The following PALLD variants were observed in gnomAD, a reference collection of about 807,000 sequenced individuals.
The protein encoded by PALLD is palladin, cytoskeletal associated protein.
In PALLD, 61 loss-of-function variants were observed where a neutral mutation model predicts 123.5. The ratio of observed to expected loss-of-function variants is 0.49; its 90% CI spans 0.40 to 0.61. The LOEUF (loss-of-function observed/expected upper bound fraction) is 0.61. PALLD is among the 20% of genes least tolerant of loss of function. The probability of loss-of-function intolerance (pLI) is 0.00; values close to 1 mark genes in which losing one functional copy is unlikely to be tolerated. For missense variants in PALLD, 1,273 were observed against 1,377.0 expected (o/e 0.92, Z 1.20); for synonymous variants, 465 against 496.4 (o/e 0.94, Z 0.84).
At chr4:168,743,934 T>C (rs1297422634) in intron 10 of PALLD, among the ~76,000 whole-genome samples, 1 of 152,114 alleles carries the variant, frequency 6.6e-6, no homozygotes, top group Non-Finnish European at 1.5e-5. Flanking sequence ...AGATGGGAAT[T>C]TGCTTCCACT....
intron 10 of PALLD, chr4:168,877,816 G>GCCCTCGCCC: frequency 7.9e-7 from 1 of 1,267,736 alleles, no homozygotes. Context: ...GCAGCGCGCC[G>GCCCTCGCCC]CCCTCGCCCC....
intron 16 of PALLD, 79 bp downstream of exon 16, chr4:168,914,100 A>G (rs1759616522): frequency 4.5e-6 from 4 of 894,378 alleles, no homozygotes; most frequent in Admixed American, 3.8e-5. Context: ...GAATCATCAT[A>G]TGACCACAAA....
At chr4:168,601,415 T>C (rs574300529) in intron 2 of PALLD, among the ~76,000 whole-genome samples, 5 of 152,258 alleles carry the variant, frequency 3.3e-5, no homozygotes, top group African/African-American at 9.6e-5. Flanking sequence ...TAGAATGCCA[T>C]GAATAGCCTG....
chr4:168,851,995 G>A (rs1747863805), intron 10 of PALLD, among the ~76,000 whole-genome samples: 1 of 152,168 alleles, frequency 6.6e-6, no homozygotes, highest in South Asian at 2.1e-4. Context: ...CCTAACTCTT[G>A]ATACCAGTGG....
At chr4:168,608,256 G>T (rs1273755728) in intron 2 of PALLD, among the ~76,000 whole-genome samples, 3 of 152,178 alleles carry the variant, frequency 2.0e-5, no homozygotes, top group African/African-American at 4.8e-5. Flanking sequence ...TAACTAAAGT[G>T]GTCTGCCGTT....
chr4:168,840,397 TA>T (rs1745873172), intron 10 of PALLD, among the ~76,000 whole-genome samples: 1 of 152,226 alleles, frequency 6.6e-6, no homozygotes, highest in Non-Finnish European at 1.5e-5. Context: ...CTAGGGCTAA[TA>T]AGGCAGCTGT....
At chr4:168,708,889 T>C in intron 8 of PALLD, 139 bp from the exon 9 acceptor site, 1 of 803,170 alleles carries the variant, frequency 1.2e-6, no homozygotes, top group Non-Finnish European at 2.1e-6. Context: ...AAAGAGATTC[T>C]ATTGTAAACA....
intron 10 of PALLD, among the ~76,000 whole-genome samples, chr4:168,777,715 C>T (rs534021993): frequency 6.6e-6 from 1 of 152,266 alleles, no homozygotes; most frequent in East Asian, 1.9e-4. Flanking sequence ...CTTCCTCCTC[C>T]CAGCCCCGTT....
intron 10 of PALLD, among the ~76,000 whole-genome samples, chr4:168,866,884 A>T (rs1750362763): frequency 6.6e-6 from 1 of 152,208 alleles, no homozygotes; most frequent in Non-Finnish European, 1.5e-5. Context: ...TATCTCAATA[A>T]CAAAGAAATA....
intron 3 of PALLD, among the ~76,000 whole-genome samples, chr4:168,673,888 C>CTG (rs34043206): frequency 0.45 from 66,482 of 146,130 alleles, 16,312 homozygotes; most frequent in East Asian, 0.65. Flanking sequence ...TTTGAACGTG[C>CTG]TGTGTGTGTG....
In PALLD at chr4:168,877,920, C is replaced by G; in HGVS notation, c.1965-13002C>G. ...AGCGCGCTGGCCTCCCGCTCCGCCC[C>G]CGCCATGCAGTCCTCCGGCTCCTTC... On this transcript the variant is annotated intron_variant, in intron 10 of 21. Transcript: ENST00000505667. 1.3e-6 allele frequency: 2 copies of G among 1,485,844 alleles called. No homozygotes were observed. Among genetic ancestry groups the G allele is most frequent in the Non-Finnish European group, 8.9e-7 (1 of 1,122,948 alleles). The allele number at this position is 1,485,844 out of a possible 1,614,324, so 92.0% of individuals were successfully genotyped here. A position where few individuals can be genotyped will look rare whatever the true frequency, so the allele number is the denominator to read the frequency against.
intron 13 of PALLD, 34 bp from the exon 14 acceptor site, chr4:168,898,459 T>C: frequency 2.9e-6 from 4 of 1,356,020 alleles, no homozygotes; most frequent in Non-Finnish European, 4.2e-6. Context: ...TCAGAAGGGA[T>C]TGAGTCTGCT....
intron 2 of PALLD, among the ~76,000 whole-genome samples, chr4:168,614,311 C>T (rs1774012379): frequency 6.6e-6 from 1 of 152,148 alleles, no homozygotes; most frequent in African/African-American, 2.4e-5. Context: ...AAAGGAAGGC[C>T]TATGTCAGTG....
intron 2 of PALLD, among the ~76,000 whole-genome samples, chr4:168,609,041 C>T (rs927634987): frequency 9.9e-5 from 15 of 152,030 alleles, no homozygotes; most frequent in Admixed American, 7.2e-4. Context: ...AGAGCATTAC[C>T]TCTCCATAAA....
intron 10 of PALLD, among the ~76,000 whole-genome samples, chr4:168,877,088 A>T (rs115120944): frequency 0.015 from 2,231 of 152,368 alleles, 42 homozygotes; most frequent in South Asian, 0.073. Context: ...TTGAAATAAC[A>T]TACAATATCA....
chr4:168,511,422 G>C lies in PALLD; in HGVS notation c.-82-1G>C, dbSNP rs1762520025. 9.8e-7 allele frequency: 1 copy of C among 1,020,856 alleles called. No homozygotes were observed. The highest frequency in any genetic ancestry group is 1.6e-5 in the African/African-American group (1 of 63,194). 63.2% of individuals were successfully genotyped at this position (1,020,856 alleles called of 1,614,324 possible). A position where few individuals can be genotyped will look rare whatever the true frequency, so the allele number is the denominator to read the frequency against. On this transcript the variant is annotated splice_acceptor_variant, in intron 1 of 21. Coordinates refer to ENST00000505667, the MANE Select transcript of PALLD (RefSeq NM_001166108.2). LOFTEE classifies it low-confidence loss of function (5UTR_SPLICE). ...TAATGACATTCTATGCTGTCTTTCA[G>C]AACACAGTTTCAGAAAACAGTTTCC...
At chr4:168,608,443 G>C (rs1402672670) in intron 2 of PALLD, among the ~76,000 whole-genome samples, 1 of 152,130 alleles carries the variant, frequency 6.6e-6, no homozygotes, top group Non-Finnish European at 1.5e-5. Context: ...ACATCAGTAT[G>C]ACATCACTTC....
chr4:168,683,779 G>T (rs11730288), intron 5 of PALLD, among the ~76,000 whole-genome samples: 26,914 of 152,050 alleles, frequency 0.18, 3,702 homozygotes, highest in African/African-American at 0.38. Flanking sequence ...CCCACAGTCT[G>T]GAAATGTAAA....
chr4:168,750,377 A>G (rs937028558), intron 10 of PALLD, among the ~76,000 whole-genome samples: 1 of 152,152 alleles, frequency 6.6e-6, no homozygotes, highest in Non-Finnish European at 1.5e-5. Flanking sequence ...TTATGGCTGC[A>G]TAGTATCTCA....
Sources: gnomAD v4.1 joint callset for allele counts (sites outside exome capture counted in the v4.1 genomes callset) on GRCh38, gnomAD v4.1.1 for gene constraint, MANE v1.5 for transcripts, NCBI Gene and HGNC (gene_info 2026-07-23, HGNC 2026-07-21) for gene names.